RFC3: variants seen among roughly 807,000 people sequenced by gnomAD.
RFC3 encodes A1 38 kDa subunit.
A neutral mutation model predicts 45.1 loss-of-function variants in RFC3; 41 were observed. That is an observed-to-expected ratio of 0.91 (90% CI 0.71 to 1.18). The LOEUF (loss-of-function observed/expected upper bound fraction) is 1.18. Ranked by LOEUF, RFC3 falls within the 50% of genes most tolerant of loss-of-function variation. The pLI is 0.00. For synonymous variants in RFC3, 149 were observed against 144.0 expected (o/e 1.03, Z -0.25); for missense variants, 423 against 428.1 (o/e 0.99, Z 0.10).
At chr13:33,852,937 T>C (rs1195712454) in intron 8 of RFC3, among the ~76,000 whole-genome samples, 1 of 152,158 alleles carries the variant, frequency 6.6e-6, no homozygotes, top group African/African-American at 2.4e-5. Flanking sequence ...TTGTCCTAAA[T>C]TGAGACAAGA....
chr13:33,862,912 T>A (rs1198019771), intron 8 of RFC3, among the ~76,000 whole-genome samples: 5 of 152,236 alleles, frequency 3.3e-5, no homozygotes, highest in African/African-American at 1.2e-4. Context: ...CACTGTTTCA[T>A]CATAGAATGG....
intron 8 of RFC3, among the ~76,000 whole-genome samples, chr13:33,870,290 T>C (rs957994353): frequency 6.6e-6 from 1 of 152,130 alleles, no homozygotes; most frequent in Admixed American, 6.5e-5. Flanking sequence ...AAATGAAACA[T>C]AAATTGGCAG....
At position 33,955,286 on chromosome 13, in the gene RFC3, A is replaced by T. The variant is rs189336020; in HGVS notation, c.880-10801A>T. Among the ~76,000 whole-genome samples, 106 of 152,342 alleles carry T rather than the reference A, an allele frequency of 7.0e-4. 1 individual carries two copies. Among genetic ancestry groups the T allele is most frequent in the African/African-American group, 2.4e-3 (100 of 41,590 alleles). ...GTTTAAGGAAGCAGTTGCAAGAGATAAATGATGGAGGACTTGTAAAAAAAG... is the reference window on the plus strand; with the variant it reads ...GTTTAAGGAAGCAGTTGCAAGAGATTAATGATGGAGGACTTGTAAAAAAAG... On this transcript the variant is annotated intron_variant, in intron 8 of 8. Coordinates refer to the RFC3 transcript ENST00000434425.
At chr13:33,865,114 G>A (rs1468606048) in intron 8 of RFC3, among the ~76,000 whole-genome samples, 1 of 152,064 alleles carries the variant, frequency 6.6e-6, no homozygotes, top group East Asian at 1.9e-4. Flanking sequence ...CATAGAAGGA[G>A]GATTTCTAAA....
At chr13:33,825,195 A>G (rs2082038058) in intron 3 of RFC3, among the ~76,000 whole-genome samples, 1 of 152,164 alleles carries the variant, frequency 6.6e-6, no homozygotes, top group South Asian at 2.1e-4. Context: ...CAAAGCAATA[A>G]TATTGGTGTA....
At chr13:33,844,266 C>T (rs1163941695) in intron 8 of RFC3, among the ~76,000 whole-genome samples, 1 of 152,180 alleles carries the variant, frequency 6.6e-6, no homozygotes, top group Admixed American at 6.5e-5. Flanking sequence ...GTAAAGTTTT[C>T]ATAAGAGTTT....
At chr13:33,866,793 T>C (rs2082376444) in intron 8 of RFC3, among the ~76,000 whole-genome samples, 1 of 152,202 alleles carries the variant, frequency 6.6e-6, no homozygotes, top group South Asian at 2.1e-4. Flanking sequence ...TAATCTAGAC[T>C]AATTTCTGAA....
chr13:33,850,975 G>A lies in RFC3; in HGVS notation c.879+15758G>A, dbSNP rs1402461867. 11 of 152,202 alleles carry A rather than the reference G, an allele frequency of 7.2e-5. 1 individual carries two copies. Among genetic ancestry groups the A allele is most frequent in the Admixed American group, 5.2e-4 (8 of 15,278 alleles). The allele number at this position is 152,202 out of a possible 1,614,324, so 9.4% of individuals were successfully genotyped here. ...TTTTTTTCCTCACAAAATAAATTCA[G>A]TTGGAAGGGTATAAAACTTAAATTT... On this transcript the variant is annotated intron_variant, in intron 8 of 8. Transcript: ENST00000434425.
chr13:33,862,608 TTAAAA>T (rs2082348290), intron 8 of RFC3, among the ~76,000 whole-genome samples: 1 of 152,174 alleles, frequency 6.6e-6, no homozygotes, highest in Non-Finnish European at 1.5e-5. Flanking sequence ...ATGTTATAGG[TTAAAA>T]TATACAGGTA....
downstream of RFC3, among the ~76,000 whole-genome samples, chr13:33,840,715 A>AT (rs34848194): frequency 0.78 from 117,692 of 151,244 alleles, 47,857 homozygotes; most frequent in Non-Finnish European, 0.92. Flanking sequence ...TAAACAAAAA[A>AT]TTTTTTTGAG....
intron 8 of RFC3, among the ~76,000 whole-genome samples, chr13:33,844,689 G>T (rs2082224924): frequency 6.6e-6 from 1 of 152,024 alleles, no homozygotes; most frequent in Non-Finnish European, 1.5e-5. Context: ...CATCGCTTCT[G>T]CTTTTTAACT....
rs183962289 is a variant in RFC3, at chr13:33,894,731, G to A, written c.879+59514G>A. ...GCAGGTGTTCCTGGATAATCTGGGG[G>A]TATCACATTGCCCAACTTCAAATTA... is the stretch of plus-strand genomic sequence containing the variant. On this transcript the variant is annotated intron_variant, in intron 8 of 8. Transcript: ENST00000434425. Among the ~76,000 whole-genome samples, 233 of 152,166 alleles carry A rather than the reference G, an allele frequency of 1.5e-3. 1 individual carries two copies. Among genetic ancestry groups the A allele is most frequent in the African/African-American group, 5.3e-3 (219 of 41,514 alleles).
At chr13:33,864,821 G>A (rs560069569) in intron 8 of RFC3, among the ~76,000 whole-genome samples, 92 of 152,282 alleles carry the variant, frequency 6.0e-4, no homozygotes, top group African/African-American at 2.1e-3. Context: ...GAGATTTGGA[G>A]GGGACAACTC....
chr13:33,846,832 T>C (rs12585971), intron 8 of RFC3: 6,435 of 152,290 alleles, frequency 0.042, 293 homozygotes, highest in East Asian at 0.16. Context: ...CTAAATACTC[T>C]CTCTGTGGGT....
the RFC3 span, among the ~76,000 whole-genome samples, chr13:33,974,642 T>A: frequency 6.6e-6 from 1 of 152,280 alleles, no homozygotes; most frequent in Middle Eastern, 3.4e-3. Context: ...TGTCAATTAG[T>A]GGAAAACTAT....
At chr13:33,832,953 T>TA (rs2082117784) in intron 7 of RFC3, among the ~76,000 whole-genome samples, 1 of 152,348 alleles carries the variant, frequency 6.6e-6, no homozygotes, top group East Asian at 1.9e-4. Context: ...TAGCTGCTGT[T>TA]ACAAATTTCT....
intron 8 of RFC3, among the ~76,000 whole-genome samples, chr13:33,858,458 A>G (rs2082320784): frequency 1.3e-5 from 2 of 152,178 alleles, no homozygotes; most frequent in South Asian, 4.1e-4. Flanking sequence ...ACTTGGCAAA[A>G]TTGTTGGTAA....
At chr13:33,818,579 G>C (rs896233211) in intron 1 of RFC3, among the ~76,000 whole-genome samples, 2 of 152,250 alleles carry the variant, frequency 1.3e-5, no homozygotes, top group Non-Finnish European at 2.9e-5. Context: ...GGATGTGCAC[G>C]GCATGTTCTA....
intron 4 of RFC3, among the ~76,000 whole-genome samples, chr13:33,828,079 T>C (rs1250976746): frequency 2.0e-5 from 3 of 152,094 alleles, no homozygotes; most frequent in African/African-American, 7.2e-5. Flanking sequence ...ACCCAGGAGT[T>C]TGGGATTGCA....
Sources: allele counts gnomAD v4.1 joint callset (sites outside exome capture counted in the v4.1 genomes callset), GRCh38; gene constraint gnomAD v4.1.1; transcripts MANE v1.5; gene names NCBI Gene and HGNC (gene_info 2026-07-23, HGNC 2026-07-21).